POU2F3: variants seen among roughly 807,000 people sequenced by gnomAD.
POU2F3 encodes POU domain, class 2, transcription factor 3.
POU2F3 carries 23 observed loss-of-function variants against 59.2 expected under a neutral mutation model. That is an observed-to-expected ratio of 0.39 (90% CI 0.28 to 0.55). POU2F3 has a LOEUF of 0.55. Among genes scored for constraint, POU2F3 ranks in the 20% least tolerant of loss-of-function variants. The pLI is 0.66. For synonymous variants in POU2F3, 190 were observed against 214.6 expected, an observed-to-expected ratio of 0.89 and a Z score of 1.00; for missense variants, 473 against 544.5, an observed-to-expected ratio of 0.87 and a Z score of 1.31.
At chr11:120,290,590 G>A (rs1378340976) in intron 3 of POU2F3, among the ~76,000 whole-genome samples, 3 of 152,198 alleles carry the variant, frequency 2.0e-5, no homozygotes, top group Non-Finnish European at 4.4e-5. Context: ...GTGATGTTGG[G>A]AATGTTGCTT....
chr11:120,245,285 C>T (rs182072746), intron 1 of POU2F3, among the ~76,000 whole-genome samples: 2 of 152,274 alleles, frequency 1.3e-5, no homozygotes. Context: ...TCCCCTCTTT[C>T]CCTGGGGCAC....
chr11:120,296,151 G>A (rs6589807), intron 3 of POU2F3, among the ~76,000 whole-genome samples: 60,762 of 152,058 alleles, frequency 0.4, 15,113 homozygotes, highest in East Asian at 0.79. Flanking sequence ...TCAAGATTAC[G>A]TAGTAAATTA....
At chr11:120,318,292 C>G (rs1941839666) in intron 12 of POU2F3, 61 bp from the exon 13 acceptor site, 10 of 1,500,412 alleles carry the variant, frequency 6.7e-6, no homozygotes, top group Middle Eastern at 1.7e-4. Context: ...CAGTCACTCC[C>G]CATTCCCATC....
At chr11:120,277,066 C>CTAAAAATACAAAAATACAAAAAAATAT (rs1362406027) in intron 3 of POU2F3, among the ~76,000 whole-genome samples, 2 of 151,932 alleles carry the variant, frequency 1.3e-5, no homozygotes, top group East Asian at 3.8e-4. Context: ...AATAAAAATA[C>CTAAAAATACAAAAATACAAAAAAATAT]TAAAAATACA....
At chr11:120,292,643 C>T (rs909913706) in intron 3 of POU2F3, among the ~76,000 whole-genome samples, 5 of 152,200 alleles carry the variant, frequency 3.3e-5, no homozygotes, top group African/African-American at 4.8e-5. Flanking sequence ...ACCAAAAGAA[C>T]GAGCAGATGC....
intron 3 of POU2F3, among the ~76,000 whole-genome samples, chr11:120,284,163 G>C (rs1038350910): frequency 3.9e-5 from 6 of 152,054 alleles, no homozygotes; most frequent in Non-Finnish European, 8.8e-5. Context: ...TGGGTGACAA[G>C]AGCAAGACTC....
chr11:120,319,336 T>C lies in POU2F3; in HGVS notation c.*944T>C, dbSNP rs2135150059. On this transcript the variant is annotated 3_prime_UTR_variant, in exon 13 of 13. Transcript: ENST00000543440. The stretch of plus-strand genomic sequence containing the variant: ...CTCAGGTGTGATTTTTGAAAATGTC[T>C]CTGTAATATTTTATCTTCTTTAAAA... The C allele has an allele frequency of 6.6e-6, 1 of 152,628 alleles. No homozygotes were observed. Among genetic ancestry groups the C allele is most frequent in the South Asian group, 2.1e-4 (1 of 4,814 alleles). 9.5% of individuals were successfully genotyped at this position (152,628 alleles called of 1,614,324 possible).
chr11:120,288,501 C>T (rs1241437713), intron 3 of POU2F3, among the ~76,000 whole-genome samples: 2 of 152,152 alleles, frequency 1.3e-5, no homozygotes, highest in East Asian at 3.8e-4. Flanking sequence ...GACTTGAGTT[C>T]AAGTCACAGC....
At chr11:120,256,979 C>G (rs1203950425) in intron 2 of POU2F3, 1 of 152,178 alleles carries the variant, frequency 6.6e-6, no homozygotes, top group Non-Finnish European at 1.5e-5. Flanking sequence ...CATTCTGAGC[C>G]TCAAGTTTCC....
At chr11:120,253,096 C>G (rs1376755464) in intron 2 of POU2F3, among the ~76,000 whole-genome samples, 2 of 152,012 alleles carry the variant, frequency 1.3e-5, no homozygotes, top group African/African-American at 4.8e-5. Context: ...GGAGGAGGAC[C>G]AGTGTTTATA....
chr11:120,299,867 C>T (rs1287860539), intron 5 of POU2F3, 141 bp downstream of exon 5: 5 of 652,678 alleles, frequency 7.7e-6, no homozygotes, highest in South Asian at 4.0e-5. Flanking sequence ...ACTTATCCAC[C>T]CCAGGGTCTG....
At chr11:120,250,834 G>A (rs1338333838) in intron 2 of POU2F3, among the ~76,000 whole-genome samples, 6 of 152,102 alleles carry the variant, frequency 3.9e-5, no homozygotes, top group Admixed American at 6.5e-5. Flanking sequence ...AAAATTAGCC[G>A]GGCGTGGTAG....
Position 120,246,466 on chromosome 11 carries a change from GA to G in POU2F3, c.47del (p.Asp16ValfsTer2). Reference protein sequence around the residue: ...SMHTDIKMSGDVADSTDARST... With the variant: ...SMHTDIKMSGXVADSTDARST... ...CCCTGCAGATATCAAGATGAGTGGG[GA>G]TGTAGCCGATTCCACGGATGCTCGC... On this transcript the variant is annotated frameshift_variant, in exon 2 of 13. Transcript: ENST00000543440. LOFTEE classifies it high-confidence loss of function. 1 of 1,613,808 alleles carries G rather than the reference GA, an allele frequency of 6.2e-7. No individual in the cohort carries two copies. Among genetic ancestry groups the G allele is most frequent in the Non-Finnish European group, 8.5e-7 (1 of 1,179,960 alleles).
At chr11:120,291,278 G>A (rs78991803) in intron 3 of POU2F3, among the ~76,000 whole-genome samples, 11,193 of 152,274 alleles carry the variant, frequency 0.074, 464 homozygotes, top group South Asian at 0.11. Flanking sequence ...ACAGATGACA[G>A]AGACACGTGG....
chr11:120,285,178 T>C lies in POU2F3; in HGVS notation c.133-13087T>C, dbSNP rs1465608541. 2.0e-5 allele frequency among the ~76,000 whole-genome samples: 3 copies of C among 152,236 alleles called. No homozygotes were observed. In the East Asian group the frequency reaches 5.8e-4, roughly 29 times the overall value. On this transcript the variant is annotated intron_variant, in intron 3 of 12. Transcript: ENST00000543440. The surrounding 1 kb of genome is among the most constrained non-coding windows in gnomAD (Gnocchi z 4.3). ...CTCTAAAAAAAGAAATGTTTACTAA[T>C]CATGAGCCTCAAAAGCCTAAGAAAG...
intron 3 of POU2F3, among the ~76,000 whole-genome samples, chr11:120,271,585 C>A (rs1940077075): frequency 6.6e-6 from 1 of 152,196 alleles, no homozygotes; most frequent in African/African-American, 2.4e-5. Flanking sequence ...GCAAGGCCAG[C>A]CTTGCGGGGA....
chr11:120,282,567 A>G (rs968726070), intron 3 of POU2F3, among the ~76,000 whole-genome samples: 4 of 152,214 alleles, frequency 2.6e-5, no homozygotes, highest in African/African-American at 4.8e-5. Context: ...AAGGCACAAG[A>G]ATCACTTGAA....
Position 120,285,498 on chromosome 11 carries a change from G to A in POU2F3, c.133-12767G>A, listed in dbSNP as rs1426362497. ...GTGTAAATATCCTGGATCTGTAAAC[G>A]ATTCCATATGTTATGCTGCTGAATG... On this transcript the variant is annotated intron_variant, in intron 3 of 12. Transcript: ENST00000543440. The surrounding 1 kb of genome is among the most constrained non-coding windows in gnomAD (Gnocchi z 4.3). 1.3e-5 allele frequency among the ~76,000 whole-genome samples: 2 copies of A among 152,146 alleles called. No individual in the cohort carries two copies. The highest frequency in any genetic ancestry group is 2.9e-5 in the Non-Finnish European group (2 of 68,038).
At chr11:120,281,667 A>C (rs1053334567) in intron 3 of POU2F3, among the ~76,000 whole-genome samples, 2 of 151,938 alleles carry the variant, frequency 1.3e-5, no homozygotes, top group Admixed American at 6.6e-5. Flanking sequence ...GCATCTACTC[A>C]TATTTCCTCC....
Sources: gnomAD v4.1 joint callset for allele counts (sites outside exome capture counted in the v4.1 genomes callset) on GRCh38, gnomAD v4.1.1 for gene constraint, Gnocchi (gnomAD v3.1) non-coding constraint, MANE v1.5 for transcripts, NCBI Gene and HGNC (gene_info 2026-07-23, HGNC 2026-07-21) for gene names.